TBC1D22A: variants seen among roughly 807,000 people sequenced by gnomAD.
The protein encoded by TBC1D22A is TBC1 domain family member 22A.
A neutral mutation model predicts 60.2 loss-of-function variants in TBC1D22A; 38 were observed. That is an observed-to-expected ratio of 0.63 (90% CI 0.49 to 0.83). The LOEUF (loss-of-function observed/expected upper bound fraction) is 0.83, where lower values mean the gene tolerates loss of function less well. TBC1D22A is among the 40% of genes least tolerant of loss of function. The probability of loss-of-function intolerance (pLI) is 0.00; values close to 1 mark genes in which losing one functional copy is unlikely to be tolerated. For missense variants in TBC1D22A, 628 were observed against 701.0 expected (o/e 0.90, Z 1.18); for synonymous variants, 302 against 281.7 (o/e 1.07, Z -0.72).
intron 11 of TBC1D22A, among the ~76,000 whole-genome samples, chr22:47,076,264 A>G (rs1315324046): frequency 6.6e-6 from 1 of 151,712 alleles, no homozygotes; most frequent in Non-Finnish European, 1.5e-5. Flanking sequence ...AATTGAGCAC[A>G]TGGAAGGCCA....
At chr22:46,970,110 C>A (rs1380737792) in intron 8 of TBC1D22A, among the ~76,000 whole-genome samples, 3 of 152,082 alleles carry the variant, frequency 2.0e-5, no homozygotes, top group African/African-American at 2.4e-5. Context: ...GAATTACCCA[C>A]CTCCTGGAAT....
At chr22:46,787,315 C>T (rs2084200782) in intron 1 of TBC1D22A, among the ~76,000 whole-genome samples, 1 of 152,218 alleles carries the variant, frequency 6.6e-6, no homozygotes, top group South Asian at 2.1e-4. Flanking sequence ...AGGAAACAAC[C>T]AGACCAGCAG....
chr22:46,997,796 GC>G (rs1469712802), intron 10 of TBC1D22A, 87 bp downstream of exon 10: 3 of 1,255,738 alleles, frequency 2.4e-6, no homozygotes, highest in Admixed American at 1.8e-5. Flanking sequence ...GTCCTCATCC[GC>G]CGGCAGCATC....
chr22:46,841,029 G>C (rs1223741242), intron 4 of TBC1D22A, among the ~76,000 whole-genome samples: 1 of 146,920 alleles, frequency 6.8e-6, no homozygotes, highest in African/African-American at 2.5e-5. Context: ...ACCGATGAAT[G>C]AATGAGTAAT....
At chr22:46,881,468 T>C (rs2067847038) in intron 5 of TBC1D22A, among the ~76,000 whole-genome samples, 1 of 152,204 alleles carries the variant, frequency 6.6e-6, no homozygotes, top group South Asian at 2.1e-4. Flanking sequence ...ATTCCTGTGC[T>C]CCCAGTGCAC....
intron 4 of TBC1D22A, among the ~76,000 whole-genome samples, chr22:46,836,279 A>G (rs2086516093): frequency 6.6e-6 from 1 of 152,254 alleles, no homozygotes; most frequent in African/African-American, 2.4e-5. Flanking sequence ...TAGTTAATGG[A>G]TATACAAAGA....
chr22:47,071,242 T>TGTTA (rs762710977), intron 11 of TBC1D22A, among the ~76,000 whole-genome samples: 162 of 152,356 alleles, frequency 1.1e-3, no homozygotes, highest in Middle Eastern at 0.01. Context: ...AGTCTGCACC[T>TGTTA]GTTAGCTTGT....
intron 12 of TBC1D22A, among the ~76,000 whole-genome samples, chr22:47,164,732 G>T (rs2068130169): frequency 6.6e-6 from 1 of 152,204 alleles, no homozygotes; most frequent in Non-Finnish European, 1.5e-5. Context: ...GTTCACTGGG[G>T]TCGCTCCGCT....
At chr22:47,149,217 GT>G (rs1483481167) in intron 12 of TBC1D22A, among the ~76,000 whole-genome samples, 3 of 152,206 alleles carry the variant, frequency 2.0e-5, no homozygotes, top group African/African-American at 7.2e-5. Flanking sequence ...ACATGTCGTG[GT>G]TGGGGGACAG....
rs560150392 is a variant in TBC1D22A at position 46,905,584 on chromosome 22, G to A, written c.901-6490G>A. 3.3e-4 allele frequency among the ~76,000 whole-genome samples: 50 copies of A among 152,350 alleles called. No individual in the cohort carries two copies. In the South Asian group the frequency reaches 5.8e-3, roughly 18 times the overall value. On this transcript the variant is annotated intron_variant, in intron 7 of 12. Transcript: ENST00000337137. ...GGTGGCCGCTGGAAGAGAAGCCTGCGGTCGGTTGGCGGGTGGGGGACAGGC... is the reference window on the plus strand; with the variant it reads ...GGTGGCCGCTGGAAGAGAAGCCTGCAGTCGGTTGGCGGGTGGGGGACAGGC...
At chr22:46,824,734 T>C (rs1379635978) in intron 4 of TBC1D22A, among the ~76,000 whole-genome samples, 1 of 151,864 alleles carries the variant, frequency 6.6e-6, no homozygotes, top group East Asian at 1.9e-4. Context: ...GGGTGTATTT[T>C]AAAGCTGTGG....
At chr22:46,996,076 G>C (rs2075113066) in intron 9 of TBC1D22A, among the ~76,000 whole-genome samples, 1 of 152,214 alleles carries the variant, frequency 6.6e-6, no homozygotes, top group African/African-American at 2.4e-5. Context: ...GCAGACCCCT[G>C]CCCCCTCAGG....
chr22:46,794,856 T>G (rs918650553), intron 3 of TBC1D22A, among the ~76,000 whole-genome samples: 1 of 152,226 alleles, frequency 6.6e-6, no homozygotes. Flanking sequence ...GATTGGCCAC[T>G]GGCCCTCATA....
intron 10 of TBC1D22A, among the ~76,000 whole-genome samples, chr22:47,021,492 C>T (rs1444355200): frequency 6.7e-6 from 1 of 148,466 alleles, no homozygotes; most frequent in Admixed American, 6.7e-5. Flanking sequence ...AGAACCTCAC[C>T]TGTCACCTGT....
At chr22:47,088,641 G>T (rs558906192) in intron 11 of TBC1D22A, among the ~76,000 whole-genome samples, 105 of 152,226 alleles carry the variant, frequency 6.9e-4, no homozygotes, top group Middle Eastern at 3.4e-3. Context: ...AAGAACTGTG[G>T]CTGTAAATGG....
chr22:47,172,683 C>G (rs1054688088), intron 12 of TBC1D22A, among the ~76,000 whole-genome samples: 1 of 152,190 alleles, frequency 6.6e-6, no homozygotes, highest in Admixed American at 6.5e-5. Flanking sequence ...CAAATAAGCA[C>G]ATTAGAAAGC....
At chr22:46,833,218 T>A (rs1187433640) in intron 4 of TBC1D22A, among the ~76,000 whole-genome samples, 1 of 152,268 alleles carries the variant, frequency 6.6e-6, no homozygotes, top group East Asian at 1.9e-4. Context: ...TTGTTTGCTG[T>A]GTGTCAATGC....
At chr22:47,140,843 A>C (rs978094111) in intron 12 of TBC1D22A, among the ~76,000 whole-genome samples, 13 of 152,184 alleles carry the variant, frequency 8.5e-5, no homozygotes, top group African/African-American at 2.9e-4. Flanking sequence ...CCCCTACCCC[A>C]AAAAAACCTG....
chr22:46,766,987 C>G (rs1306723323), intron 1 of TBC1D22A, among the ~76,000 whole-genome samples: 1 of 152,226 alleles, frequency 6.6e-6, no homozygotes. Flanking sequence ...CTTTCTCATT[C>G]TTGCATTGTC....
Sources: gnomAD v4.1 joint callset for allele counts (sites outside exome capture counted in the v4.1 genomes callset) on GRCh38, gnomAD v4.1.1 for gene constraint, MANE v1.5 for transcripts, NCBI Gene and HGNC (gene_info 2026-07-23, HGNC 2026-07-21) for gene names.